The following TMED3 variants were observed in gnomAD, a reference collection of about 807,000 sequenced individuals.
The protein encoded by TMED3 is transmembrane p24 trafficking protein 3, also known as transmembrane emp24 domain-containing protein 3.
Under a neutral mutation model 15.0 loss-of-function variants are expected in TMED3, and 9 were observed. That is an observed-to-expected ratio of 0.60 (90% CI 0.36 to 1.04). The LOEUF (loss-of-function observed/expected upper bound fraction) is 1.04. TMED3 is among the 50% of genes least tolerant of loss of function. The pLI, the probability that TMED3 is intolerant of heterozygous loss-of-function variation, is 0.01. For missense variants in TMED3, 267 were observed against 278.9 expected, an observed-to-expected ratio of 0.96 and a Z score of 0.30; for synonymous variants, 117 against 121.4, an observed-to-expected ratio of 0.96 and a Z score of 0.24.
Position 79,321,974 on chromosome 15 carries a change from C to G in TMED3, c.418-4C>G. 2.5e-6 allele frequency: 4 copies of G among 1,613,640 alleles called. No individual in the cohort carries two copies. In the Admixed American group the frequency reaches 6.7e-5, roughly 27 times the overall value. ...AGTGTGACTGCTTTTCTCTTCCTGC[C>G]CAGATGGAGTCCGCCTGCGTGACCA... On this transcript the variant is annotated splice_region_variant and splice_polypyrimidine_tract_variant and intron_variant, in intron 2 of 2. Coordinates refer to ENST00000299705, the MANE Select transcript of TMED3 (RefSeq NM_007364.4).
At chr15:79,395,214 T>C (rs1372388940) in intron 2 of TMED3, among the ~76,000 whole-genome samples, 1 of 152,196 alleles carries the variant, frequency 6.6e-6, no homozygotes, top group Admixed American at 6.5e-5. Context: ...AGTTCCACTC[T>C]TGTTGCCCAG....
chr15:79,365,248 A>G (rs1429151522), intron 2 of TMED3, among the ~76,000 whole-genome samples: 1 of 152,256 alleles, frequency 6.6e-6, no homozygotes, highest in Non-Finnish European at 1.5e-5. Context: ...TCATAGGTGA[A>G]TTCAGAGATT....
chr15:79,355,165 C>T (rs1440517759), intron 2 of TMED3, among the ~76,000 whole-genome samples: 1 of 152,118 alleles, frequency 6.6e-6, no homozygotes, highest in South Asian at 2.1e-4. Context: ...ACCAATTCAC[C>T]AATTAAGTAA....
chr15:79,403,977 A>G (rs936826545), intron 2 of TMED3, among the ~76,000 whole-genome samples: 8 of 152,190 alleles, frequency 5.3e-5, no homozygotes, highest in African/African-American at 9.7e-5. Flanking sequence ...GTTGTCCCCA[A>G]TCTGGCACTT....
At chr15:79,334,338 G>A (rs2058819809) in intron 2 of TMED3, among the ~76,000 whole-genome samples, 1 of 152,176 alleles carries the variant, frequency 6.6e-6, no homozygotes, top group Non-Finnish European at 1.5e-5. Context: ...AAAGAAGAAG[G>A]TTTTGGTCCT....
intron 2 of TMED3, among the ~76,000 whole-genome samples, chr15:79,393,316 A>G (rs1384117989): frequency 6.6e-6 from 1 of 152,202 alleles, no homozygotes; most frequent in African/African-American, 2.4e-5. Flanking sequence ...TTTGTTAATA[A>G]GACAATAAAA....
At chr15:79,331,992 G>T (rs2058811126) in intron 2 of TMED3, among the ~76,000 whole-genome samples, 1 of 152,218 alleles carries the variant, frequency 6.6e-6, no homozygotes, top group Non-Finnish European at 1.5e-5. Flanking sequence ...GACGGAGGCT[G>T]CTGTGTGCTA....
chr15:79,404,406 C>T (rs1342763379), intron 2 of TMED3, among the ~76,000 whole-genome samples: 2 of 152,188 alleles, frequency 1.3e-5, no homozygotes, highest in African/African-American at 4.8e-5. Flanking sequence ...CCATGGGGCC[C>T]ATTTGTAGCA....
intron 2 of TMED3, among the ~76,000 whole-genome samples, chr15:79,337,416 A>C (rs1415855366): frequency 1.3e-5 from 2 of 152,242 alleles, no homozygotes; most frequent in Admixed American, 6.5e-5. Context: ...GTGGGTTCAG[A>C]ATTCAACATA....
chr15:79,335,826 A>G (rs1297847651), intron 2 of TMED3, among the ~76,000 whole-genome samples: 3 of 152,224 alleles, frequency 2.0e-5, no homozygotes, highest in Non-Finnish European at 4.4e-5. Flanking sequence ...TTCCTGATAG[A>G]ACATTAATGA....
chr15:79,373,412 GC>G (rs1435532999), intron 2 of TMED3, among the ~76,000 whole-genome samples: 1 of 152,168 alleles, frequency 6.6e-6, no homozygotes, highest in Non-Finnish European at 1.5e-5. Flanking sequence ...ATGTGAGCAA[GC>G]CCATCCTTCA....
At chr15:79,325,201 A>T (rs115279786), downstream of TMED3, among the ~76,000 whole-genome samples, 913 of 152,332 alleles carry the variant, frequency 6.0e-3, 4 homozygotes, top group African/African-American at 0.021. Context: ...GCTCCATACC[A>T]TAGATTTTAA....
chr15:79,349,368 T>A (rs114006519), intron 2 of TMED3, among the ~76,000 whole-genome samples: 2,312 of 152,254 alleles, frequency 0.015, 46 homozygotes, highest in African/African-American at 0.053. Context: ...TATAAGATAC[T>A]TTTTTATCAT....
intron 2 of TMED3, among the ~76,000 whole-genome samples, chr15:79,411,023 T>C (rs1893971728): frequency 6.6e-6 from 1 of 152,216 alleles, no homozygotes; most frequent in East Asian, 1.9e-4. Context: ...TGGTTGCTCA[T>C]AATTAGCAAT....
Position 79,322,221 on chromosome 15 carries a change from C to A in TMED3, c.*7C>A, listed in dbSNP as rs1052907201. The A allele has an allele frequency of 2.5e-6, 4 of 1,609,360 alleles. No individual in the cohort carries two copies. In the Admixed American group the frequency reaches 6.7e-5, roughly 27 times the overall value. On this transcript the variant is annotated 3_prime_UTR_variant, in exon 3 of 3. Transcript: ENST00000299705. ...CAGGGCAGTCCACTCCTAGCCCCGG[C>A]ATCCTGCTCTAGGGCCCCTCATGCC... is the stretch of plus-strand genomic sequence containing the variant.
At chr15:79,344,244 G>A (rs560860327) in intron 2 of TMED3, among the ~76,000 whole-genome samples, 26 of 152,328 alleles carry the variant, frequency 1.7e-4, no homozygotes, top group African/African-American at 6.0e-4. Flanking sequence ...TGAGGAGTGA[G>A]CCTCGGTGTC....
At chr15:79,326,787 G>T (rs912793261), downstream of TMED3, among the ~76,000 whole-genome samples, 10 of 152,140 alleles carry the variant, frequency 6.6e-5, no homozygotes, top group Non-Finnish European at 1.3e-4. Context: ...TGAGATTAGT[G>T]CTCTTATAAA....
intron 2 of TMED3, among the ~76,000 whole-genome samples, chr15:79,360,608 A>G (rs1411435700): frequency 2.0e-5 from 3 of 152,190 alleles, no homozygotes; most frequent in African/African-American, 4.8e-5. Flanking sequence ...ATCTTTACAT[A>G]TCGTTAGACC....
intron 2 of TMED3, among the ~76,000 whole-genome samples, chr15:79,360,493 A>G (rs1318327076): frequency 6.6e-6 from 1 of 152,244 alleles, no homozygotes; most frequent in Non-Finnish European, 1.5e-5. Context: ...GAGAAAGGGC[A>G]ATAATAGCTA....
Sources: allele counts gnomAD v4.1 joint callset (sites outside exome capture counted in the v4.1 genomes callset), GRCh38; gene constraint gnomAD v4.1.1; transcripts MANE v1.5; gene names NCBI Gene and HGNC (gene_info 2026-07-23, HGNC 2026-07-21).